Variants in NUP98 observed in about 807,000 individuals in gnomAD.
The protein encoded by NUP98 is nucleoporin 98 and 96 precursor.
A neutral mutation model predicts 191.9 loss-of-function variants in NUP98; 26 were observed. The observed-to-expected ratio is 0.14, with a 90% CI of 0.10 to 0.19. NUP98 has a LOEUF of 0.19. Among genes scored for constraint, NUP98 ranks in the 10% least tolerant of loss-of-function variants. NUP98 has a pLI of 1.00. For missense variants in NUP98, 1,941 were observed against 2,178.8 expected, an observed-to-expected ratio of 0.89 and a Z score of 2.17; for synonymous variants, 808 against 778.4, an observed-to-expected ratio of 1.04 and a Z score of -0.63.
intron 5 of NUP98, among the ~76,000 whole-genome samples, chr11:3,774,294 C>T (rs909780247): frequency 6.6e-6 from 1 of 152,082 alleles, no homozygotes; most frequent in East Asian, 1.9e-4. Context: ...CACCTGTAGT[C>T]CCAGCTACTC....
chr11:3,744,702 G>A, intron 11 of NUP98, 53 bp from the exon 12 acceptor site: 2 of 1,554,080 alleles, frequency 1.3e-6, no homozygotes, highest in Non-Finnish European at 1.7e-6. Context: ...TTTCAATGTT[G>A]TGCCAGAGGT....
intron 12 of NUP98, among the ~76,000 whole-genome samples, chr11:3,737,613 C>T (rs1057464387): frequency 1.3e-5 from 2 of 152,068 alleles, no homozygotes; most frequent in East Asian, 1.9e-4. Context: ...GGCGACAGAG[C>T]GAGATTCCGT....
chr11:3,692,675 T>A (rs1218219723), intron 27 of NUP98, among the ~76,000 whole-genome samples: 1 of 152,212 alleles, frequency 6.6e-6, no homozygotes, highest in African/African-American at 2.4e-5. Context: ...GTATTTCATC[T>A]GTCTTCAATG....
At position 3,779,380 on chromosome 11, in the gene NUP98, G is replaced by A. The variant is rs112494965; in HGVS notation, c.77-123C>T. On this transcript the variant is annotated intron_variant, in intron 2 of 32. Coordinates refer to ENST00000324932, the MANE Select transcript of NUP98 (RefSeq NM_016320.5). ...TTTGAGGCTGTGCATGGTGGCTCAC[G>A]CCTGTAATCCCAGCACTTTGGGAGG... is the stretch of plus-strand genomic sequence containing the variant. 9.3e-4 allele frequency: 776 copies of A among 836,780 alleles called. 4 individuals are homozygous for A. The highest frequency in any genetic ancestry group is 5.9e-3 in the African/African-American group (350 of 59,484). 51.8% of individuals were successfully genotyped at this position (836,780 alleles called of 1,614,324 possible). A position where few individuals can be genotyped will look rare whatever the true frequency, so the allele number is the denominator to read the frequency against.
intron 28 of NUP98, among the ~76,000 whole-genome samples, chr11:3,687,974 A>G (rs1223683784): frequency 6.6e-6 from 1 of 152,272 alleles, no homozygotes; most frequent in East Asian, 1.9e-4. Context: ...CAACATCATT[A>G]GACATTAGGG....
In NUP98 at chr11:3,723,207, T is replaced by C. The variant is rs149885647; in HGVS notation, c.2096A>G (p.Gln699Arg). 3 of 1,614,116 alleles carry C rather than the reference T, an allele frequency of 1.9e-6. No individual in the cohort carries two copies. The highest frequency in any genetic ancestry group is 2.7e-5 in the African/African-American group (2 of 74,944). The change falls in exon 16 of 33, where the codon CAG (glutamine) becomes CGG (arginine). Residue 699 changes from glutamine (Q) to arginine (R), a missense_variant. Transcript: ENST00000324932. Reference sequence around the variant, plus strand: ...ATTTTCTATTTCTTCTCGGTCATCCTGAAGTGACTCATCATGAAAAGACGT... The same window carrying C: ...ATTTTCTATTTCTTCTCGGTCATCCCGAAGTGACTCATCATGAAAAGACGT... ...EETSFHDESL[Q>R]DDREEIENNS...
At chr11:3,743,565 T>C (rs574807884) in intron 12 of NUP98, among the ~76,000 whole-genome samples, 1 of 140,758 alleles carries the variant, frequency 7.1e-6, no homozygotes, top group African/African-American at 2.7e-5. Context: ...GAGAATGGCG[T>C]GAATCTGGGA....
Position 3,758,209 on chromosome 11 carries a change from T to C in NUP98, c.1174+2330A>G, listed in dbSNP as rs1045881888. Among the ~76,000 whole-genome samples, 4 of 151,450 alleles carry C rather than the reference T, an allele frequency of 2.6e-5. No homozygotes were observed. In the East Asian group the frequency reaches 7.8e-4, roughly 30 times the overall value. ...GGTGGTGGGTGCCCGTAGTCCCAGC[T>C]ACTCGGGAGGCTGAGGCAGGAGAAT... On this transcript the variant is annotated intron_variant, in intron 10 of 32. Coordinates refer to ENST00000324932, the MANE Select transcript of NUP98 (RefSeq NM_016320.5).
intron 30 of NUP98, among the ~76,000 whole-genome samples, chr11:3,682,657 C>T (rs904154758): frequency 1.3e-5 from 2 of 152,124 alleles, no homozygotes; most frequent in Non-Finnish European, 2.9e-5. Flanking sequence ...TCACAGATCA[C>T]CATAACAGAT....
intron 13 of NUP98, among the ~76,000 whole-genome samples, chr11:3,733,566 C>T (rs276906): frequency 0.19 from 28,959 of 152,118 alleles, 2,856 homozygotes; most frequent in Non-Finnish European, 0.23. Flanking sequence ...CCCACCTCGG[C>T]CTCCCAAAGT....
At chr11:3,735,851 G>A (rs1003187017) in intron 12 of NUP98, among the ~76,000 whole-genome samples, 53 of 150,240 alleles carry the variant, frequency 3.5e-4, no homozygotes, top group African/African-American at 7.6e-4. Flanking sequence ...GTGTGTGTGC[G>A]TGCGTGTATG....
intron 31 of NUP98, among the ~76,000 whole-genome samples, chr11:3,677,804 TACTAA>T (rs915751972): frequency 3.2e-4 from 49 of 152,236 alleles, no homozygotes; most frequent in African/African-American, 1.2e-3. Context: ...TCTTGATTCA[TACTAA>T]AAGTACAGCA....
At chr11:3,707,818 T>C (rs1462860758) in intron 20 of NUP98, among the ~76,000 whole-genome samples, 3 of 146,764 alleles carry the variant, frequency 2.0e-5, no homozygotes, top group African/African-American at 7.6e-5. Context: ...TTAAGAACAG[T>C]GGCTGGTCAT....
At position 3,771,868 on chromosome 11, in the gene NUP98, C is replaced by A; in HGVS notation, c.664G>T (p.Gly222Cys). 6.2e-7 allele frequency: 1 copy of A among 1,614,160 alleles called. No individual in the cohort carries two copies. Among genetic ancestry groups the A allele is most frequent in the Non-Finnish European group, 8.5e-7 (1 of 1,180,030 alleles). ...GACCCAAACAAGCCAGTTGTGGTAC[C>A]TGCTCCCACCTGGTTCTGTGGGCCC... ...RKGPQNQVGA[G>C]TTTGLFGSSP... Residue 222 changes from glycine to cysteine, a missense_variant, in exon 7 of 33, where the codon GGT becomes TGT. Gly to Cys is a radical substitution (Grantham distance 159, BLOSUM62 -3). Transcript: ENST00000324932.
At chr11:3,767,135 G>C (rs986614799) in intron 8 of NUP98, among the ~76,000 whole-genome samples, 5 of 151,964 alleles carry the variant, frequency 3.3e-5, no homozygotes, top group African/African-American at 1.2e-4. Context: ...GCTAATTTTT[G>C]TATTTTTGGT....
chr11:3,696,046 C>G (rs778856961), intron 25 of NUP98, among the ~76,000 whole-genome samples: 1 of 151,910 alleles, frequency 6.6e-6, no homozygotes, highest in Non-Finnish European at 1.5e-5. Context: ...ACAAAAATCA[C>G]CGGGCGTGCT....
chr11:3,794,015 AGT>A (rs1458959499), intron 1 of NUP98, among the ~76,000 whole-genome samples: 2 of 152,194 alleles, frequency 1.3e-5, no homozygotes, highest in Non-Finnish European at 2.9e-5. Flanking sequence ...TTTTCACTAA[AGT>A]AGTAGTCTCA....
At chr11:3,729,573 T>C (rs1410477758) in intron 14 of NUP98, among the ~76,000 whole-genome samples, 2 of 139,850 alleles carry the variant, frequency 1.4e-5, no homozygotes, top group Non-Finnish European at 3.1e-5. Context: ...AAAAAATTAC[T>C]GGGCATGGTG....
At chr11:3,774,751 A>G (rs1434128758) in intron 5 of NUP98, among the ~76,000 whole-genome samples, 1 of 152,002 alleles carries the variant, frequency 6.6e-6, no homozygotes, top group Non-Finnish European at 1.5e-5. Flanking sequence ...CCCCGATAAC[A>G]TTACAAGGAA....
Sources: allele counts gnomAD v4.1 joint callset (sites outside exome capture counted in the v4.1 genomes callset), GRCh38; gene constraint gnomAD v4.1.1; transcripts MANE v1.5; gene names NCBI Gene and HGNC (gene_info 2026-07-23, HGNC 2026-07-21).